Variants in NFX1 observed in about 807,000 individuals in gnomAD.
The protein encoded by NFX1 is nuclear transcription factor, X-box binding 1.
In NFX1, 69 loss-of-function variants were observed where a neutral mutation model predicts 137.2. That is an observed-to-expected ratio of 0.50 (90% CI 0.41 to 0.61). NFX1 has a LOEUF of 0.61. Ranked by LOEUF, NFX1 falls within the 20% of genes least tolerant of loss-of-function variation. NFX1 has a pLI of 0.00. For missense variants in NFX1, 1,167 were observed against 1,391.0 expected (o/e 0.84, Z 2.56); for synonymous variants, 495 against 474.1 (o/e 1.04, Z -0.57).
At chr9:33,338,719 G>A in intron 12 of NFX1, 130 bp downstream of exon 12, 1 of 755,762 alleles carries the variant, frequency 1.3e-6, no homozygotes, top group Non-Finnish European at 2.2e-6. Flanking sequence ...AGCAGTCAGA[G>A]AGCTCTCATA....
At chr9:33,292,030 C>T (rs1424511893) in intron 1 of NFX1, among the ~76,000 whole-genome samples, 2 of 152,176 alleles carry the variant, frequency 1.3e-5, no homozygotes, top group African/African-American at 4.8e-5. Flanking sequence ...AGTCCTTCAC[C>T]AGATTCTCTA....
intron 9 of NFX1, among the ~76,000 whole-genome samples, chr9:33,328,346 G>C (rs539532978): frequency 6.6e-6 from 1 of 151,984 alleles, no homozygotes; most frequent in South Asian, 2.1e-4. Flanking sequence ...TAGGCAAATC[G>C]TCGTATACTT....
intron 19 of NFX1, among the ~76,000 whole-genome samples, chr9:33,358,751 C>T (rs1024690501): frequency 6.9e-6 from 1 of 144,212 alleles, no homozygotes; most frequent in Non-Finnish European, 1.5e-5. Flanking sequence ...CAGCCTCTAC[C>T]TCCTGGGTTC....
chr9:33,301,696 CCTA>C (rs1821573297), intron 3 of NFX1, among the ~76,000 whole-genome samples: 1 of 152,094 alleles, frequency 6.6e-6, no homozygotes, highest in African/African-American at 2.4e-5. Flanking sequence ...TTTTCTTTGA[CCTA>C]CTGATTTTAT....
intron 15 of NFX1, among the ~76,000 whole-genome samples, chr9:33,349,613 A>G (rs541405100): frequency 6.6e-6 from 1 of 152,124 alleles, no homozygotes; most frequent in South Asian, 2.1e-4. Flanking sequence ...TGGTCCTACG[A>G]GAGTAAAATT....
At chr9:33,303,381 C>A in intron 4 of NFX1, 113 bp downstream of exon 4, 1 of 843,400 alleles carries the variant, frequency 1.2e-6, no homozygotes, top group Non-Finnish European at 2.0e-6. Flanking sequence ...CTTCAAAGCT[C>A]TAGGAGTCTA....
chr9:33,351,985 G>A, intron 16 of NFX1, 195 bp downstream of exon 16: 1 of 532,940 alleles, frequency 1.9e-6, no homozygotes, highest in Non-Finnish European at 3.2e-6. Flanking sequence ...TTTTGATTCA[G>A]CAGGTACCCA....
At chr9:33,334,657 G>A (rs150654226) in intron 11 of NFX1, among the ~76,000 whole-genome samples, 23 of 152,110 alleles carry the variant, frequency 1.5e-4, no homozygotes, top group African/African-American at 5.5e-4. Context: ...CTAGATTTAG[G>A]CTTATACTAA....
intron 2 of NFX1, among the ~76,000 whole-genome samples, chr9:33,301,028 A>G (rs758688253): frequency 6.6e-6 from 1 of 152,228 alleles, no homozygotes; most frequent in Non-Finnish European, 1.5e-5. Context: ...TGTTTCCTTA[A>G]TTGTGGGAAT....
intron 19 of NFX1, among the ~76,000 whole-genome samples, chr9:33,358,647 A>ATTTTTTTTTTTTTTTTTTTTTTTTTTTT: frequency 2.1e-5 from 1 of 48,430 alleles, no homozygotes; most frequent in Non-Finnish European, 3.5e-5. Context: ...GAATGGCTTG[A>ATTTTTTTTTTTTTTTTTTTTTTTTTTTT]TTTTTTTTTT....
intron 12 of NFX1, 56 bp from the exon 13 acceptor site, chr9:33,342,690 A>G (rs1823271220): frequency 2.5e-6 from 3 of 1,184,322 alleles, no homozygotes; most frequent in East Asian, 2.5e-5. Flanking sequence ...GTTGTTATTT[A>G]TGGAAAATAT....
intron 13 of NFX1, among the ~76,000 whole-genome samples, chr9:33,343,585 ATT>A (rs1031623588): frequency 4.6e-5 from 7 of 152,206 alleles, no homozygotes; most frequent in African/African-American, 1.7e-4. Flanking sequence ...ATTCAACCTC[ATT>A]TTAGAAAGGA....
At chr9:33,309,202 A>G (rs1190696258) in intron 5 of NFX1, among the ~76,000 whole-genome samples, 1 of 151,948 alleles carries the variant, frequency 6.6e-6, no homozygotes, top group Non-Finnish European at 1.5e-5. Context: ...CTAAAAATAT[A>G]AAAAATTAGC....
Position 33,334,980 on chromosome 9 carries a change from C to T in NFX1, c.2035+2478C>T, listed in dbSNP as rs58280674. Reference sequence around the variant, plus strand: ...CATCAGTTGTCAACATTTTACCTCTCGTTTTCATCCATCCCTCCTTCCCTA... The same window carrying T: ...CATCAGTTGTCAACATTTTACCTCTTGTTTTCATCCATCCCTCCTTCCCTA... On this transcript the variant is annotated intron_variant, in intron 11 of 23. Transcript: ENST00000379540. 4.5e-3 allele frequency among the ~76,000 whole-genome samples: 688 copies of T among 152,276 alleles called. 7 individuals are homozygous for T. The highest frequency in any genetic ancestry group is 0.016 in the African/African-American group (661 of 41,556).
chr9:33,293,284 G>T (rs1429612566), intron 1 of NFX1, among the ~76,000 whole-genome samples: 2 of 152,182 alleles, frequency 1.3e-5, no homozygotes, highest in Non-Finnish European at 2.9e-5. Flanking sequence ...TTAGGATAGT[G>T]CCTGGCACAT....
chr9:33,364,083 A>C lies in NFX1; in HGVS notation c.2947A>C (p.Ser983Arg). The stretch of plus-strand genomic sequence containing the variant: ...TATACGTTCTTCAGGGTCAAAATTC[A>C]GTGATAGTTTGAAAGAAGATGCCAG... ...FNIRSSGSKF[S>R]DSLKEDARKD... The change falls in exon 20 of 24, where the codon AGT (serine) becomes CGT (arginine). Residue 983 changes from serine to arginine, a missense_variant. Ser to Arg is a moderately radical substitution (Grantham distance 110, BLOSUM62 -1). This residue lies in a region of NFX1 where 312 missense variants were observed against 312.8 expected (regional missense o/e 1.00). Transcript: ENST00000379540. The C allele has an allele frequency of 6.2e-7, 1 of 1,603,274 alleles. No individual in the cohort carries two copies. Among genetic ancestry groups the C allele is most frequent in the Non-Finnish European group, 8.5e-7 (1 of 1,175,672 alleles).
At chr9:33,302,739 G>A (rs550149376) in intron 3 of NFX1, among the ~76,000 whole-genome samples, 106 of 151,136 alleles carry the variant, frequency 7.0e-4, no homozygotes, top group Non-Finnish European at 1.3e-3. Flanking sequence ...GCACGATCTC[G>A]GCTCACTGCA....
chr9:33,302,773 G>T (rs1355051970), intron 3 of NFX1, among the ~76,000 whole-genome samples: 1 of 151,744 alleles, frequency 6.6e-6, no homozygotes, highest in Admixed American at 6.6e-5. Context: ...AGGTTCAAGT[G>T]ATTCTTCTGC....
chr9:33,316,674 G>A (rs1822174731), intron 7 of NFX1, among the ~76,000 whole-genome samples: 1 of 152,082 alleles, frequency 6.6e-6, no homozygotes, highest in South Asian at 2.1e-4. Context: ...AGATTAATAA[G>A]CATTCTTTTT....
Sources: allele counts gnomAD v4.1 joint callset (sites outside exome capture counted in the v4.1 genomes callset), GRCh38; gene constraint gnomAD v4.1.1; regional missense constraint gnomAD v4.1.1; transcripts MANE v1.5; gene names NCBI Gene and HGNC (gene_info 2026-07-23, HGNC 2026-07-21).